SYN2: variants seen among roughly 807,000 people sequenced by gnomAD.
SYN2 encodes the protein synapsin II.
In SYN2, 19 loss-of-function variants were observed where a neutral mutation model predicts 50.9. The observed-to-expected ratio is 0.37, with a 90% CI of 0.26 to 0.55. The LOEUF (loss-of-function observed/expected upper bound fraction) is 0.55. Among genes scored for constraint, SYN2 ranks in the 20% least tolerant of loss-of-function variants. The pLI is 0.81. For synonymous variants in SYN2, 255 were observed against 224.9 expected, an observed-to-expected ratio of 1.13 and a Z score of -1.20; for missense variants, 587 against 576.4, an observed-to-expected ratio of 1.02 and a Z score of -0.19.
chr3:12,145,540 TAAC>T (rs1335964923), intron 3 of SYN2, 136 bp from the exon 4 acceptor site: 7 of 1,001,126 alleles, frequency 7.0e-6, no homozygotes, highest in Non-Finnish European at 1.0e-5. Context: ...GTCTCTAAAA[TAAC>T]AACAGTAAAA....
chr3:12,104,570 C>CTTTTTTTTTTTTTTTTTTTT (rs796837275), intron 1 of SYN2, among the ~76,000 whole-genome samples: 3 of 81,714 alleles, frequency 3.7e-5, no homozygotes, highest in African/African-American at 1.0e-4. Context: ...CTTTTCTTTT[C>CTTTTTTTTTTTTTTTTTTTT]TTTTTTTTTT....
chr3:12,144,217 C>G (rs1697094018), intron 3 of SYN2, among the ~76,000 whole-genome samples: 1 of 152,188 alleles, frequency 6.6e-6, no homozygotes, highest in Admixed American at 6.5e-5. Context: ...AACGCAGGAG[C>G]TTTCCCATGC....
chr3:12,021,598 T>A (rs1176232825), intron 1 of SYN2, among the ~76,000 whole-genome samples: 2 of 152,120 alleles, frequency 1.3e-5, no homozygotes, highest in Non-Finnish European at 2.9e-5. Context: ...AATAAATTTT[T>A]AAAAATGTGA....
chr3:12,061,853 C>T (rs1695118656), intron 1 of SYN2, among the ~76,000 whole-genome samples: 1 of 151,900 alleles, frequency 6.6e-6, no homozygotes, highest in African/African-American at 2.4e-5. Context: ...CAGAACACTG[C>T]AAAACTTTGA....
intron 1 of SYN2, among the ~76,000 whole-genome samples, chr3:12,047,772 C>G (rs1427118490): frequency 1.3e-5 from 2 of 152,060 alleles, no homozygotes; most frequent in African/African-American, 2.4e-5. Flanking sequence ...GAGATCACTT[C>G]CATTTGTAAA....
At chr3:12,051,237 T>G (rs1312697668) in intron 1 of SYN2, among the ~76,000 whole-genome samples, 1 of 152,082 alleles carries the variant, frequency 6.6e-6, no homozygotes, top group Admixed American at 6.5e-5. Context: ...TATCAAAAAA[T>G]TATAGCTTTC....
intron 10 of SYN2, among the ~76,000 whole-genome samples, chr3:12,174,441 T>A (rs1262850888): frequency 2.0e-5 from 3 of 152,126 alleles, no homozygotes; most frequent in Non-Finnish European, 1.5e-5. Flanking sequence ...GGTAAGGGCC[T>A]TTGTATTAGG....
At chr3:12,142,111 G>T (rs1697032587) in intron 3 of SYN2, 115 bp downstream of exon 3, 1 of 655,708 alleles carries the variant, frequency 1.5e-6, no homozygotes, top group East Asian at 2.6e-5. Context: ...GCTATGTATG[G>T]TATACAGAAT....
At chr3:12,099,796 C>T (rs921367545) in intron 1 of SYN2, among the ~76,000 whole-genome samples, 3 of 151,838 alleles carry the variant, frequency 2.0e-5, no homozygotes, top group Non-Finnish European at 4.4e-5. Context: ...AACCCCATCT[C>T]TACTAAAAAT....
chr3:12,069,497 T>A (rs1335783919), intron 1 of SYN2, among the ~76,000 whole-genome samples: 1 of 152,126 alleles, frequency 6.6e-6, no homozygotes, highest in Non-Finnish European at 1.5e-5. Context: ...TCTGCCCGCC[T>A]CAGCCTCCCA....
intron 1 of SYN2, among the ~76,000 whole-genome samples, chr3:12,084,883 T>C (rs745654667): frequency 2.6e-5 from 4 of 151,740 alleles, no homozygotes; most frequent in Admixed American, 6.6e-5. Flanking sequence ...AAACCCCTAG[T>C]AGATACACAA....
At chr3:12,099,703 G>T (rs1013245915) in intron 1 of SYN2, among the ~76,000 whole-genome samples, 1 of 152,058 alleles carries the variant, frequency 6.6e-6, no homozygotes, top group African/African-American at 2.4e-5. Flanking sequence ...AATGGCTCAC[G>T]CCTGTAATCC....
intron 1 of SYN2, among the ~76,000 whole-genome samples, chr3:12,040,842 A>G (rs942897092): frequency 6.6e-6 from 1 of 152,202 alleles, no homozygotes; most frequent in East Asian, 1.9e-4. Context: ...CCTTTGCTTA[A>G]TGTAGATTGT....
At position 12,101,966 on chromosome 3, in the gene SYN2, C is replaced by G. The variant is rs531517232; in HGVS notation, c.378-38685C>G. Among the ~76,000 whole-genome samples the G allele has an allele frequency of 2.0e-3, 311 of 152,122 alleles. 1 individual carries two copies. The highest frequency in any genetic ancestry group is 6.4e-3 in the African/African-American group (266 of 41,520). ...AGCAACTAGTTGTTAAGATAGAATG[C>G]TACAAGGCAGAGTGTGATCAGAGTT... On this transcript the variant is annotated intron_variant, in intron 1 of 12. Transcript: ENST00000621198.
intron 7 of SYN2, among the ~76,000 whole-genome samples, chr3:12,167,033 C>CT (rs1447997953): frequency 6.6e-6 from 1 of 152,176 alleles, no homozygotes; most frequent in Non-Finnish European, 1.5e-5. Context: ...GGGCAAGACC[C>CT]TTGTAGAGAG....
intron 1 of SYN2, among the ~76,000 whole-genome samples, chr3:12,044,352 T>C (rs1205589956): frequency 6.6e-6 from 1 of 152,156 alleles, no homozygotes; most frequent in Non-Finnish European, 1.5e-5. Flanking sequence ...ATTTTGTCTT[T>C]CCCATTTCAT....
chr3:12,088,672 TGTA>T (rs1355682328), intron 1 of SYN2, among the ~76,000 whole-genome samples: 2 of 152,172 alleles, frequency 1.3e-5, no homozygotes, highest in South Asian at 2.1e-4. Context: ...TAAACAAAAA[TGTA>T]GTATATATAC....
At chr3:12,157,786 G>A (rs1240522025) in intron 5 of SYN2, among the ~76,000 whole-genome samples, 1 of 152,224 alleles carries the variant, frequency 6.6e-6, no homozygotes, top group Non-Finnish European at 1.5e-5. Flanking sequence ...GCACAGGGTA[G>A]GAGTCAGAGT....
At chr3:12,005,496 G>A (rs73135627) in intron 1 of SYN2, among the ~76,000 whole-genome samples, 7,565 of 151,604 alleles carry the variant, frequency 0.05, 637 homozygotes, top group African/African-American at 0.17. Context: ...ACACGGGCTT[G>A]TTCCCCGGAG....
Sources: gnomAD v4.1 joint callset for allele counts (sites outside exome capture counted in the v4.1 genomes callset) on GRCh38, gnomAD v4.1.1 for gene constraint, MANE v1.5 for transcripts, NCBI Gene and HGNC (gene_info 2026-07-23, HGNC 2026-07-21) for gene names.